ENOX1: variants seen among roughly 807,000 people sequenced by gnomAD.
ENOX1 encodes ecto-NOX disulfide-thiol exchanger 1.
Under a neutral mutation model 82.5 loss-of-function variants are expected in ENOX1, and 42 were observed. That is an observed-to-expected ratio of 0.51 (90% CI 0.40 to 0.66). The LOEUF (loss-of-function observed/expected upper bound fraction) is 0.66, where lower values mean the gene tolerates loss of function less well. ENOX1 is among the 30% of genes least tolerant of loss of function. The pLI is 0.00. For synonymous variants in ENOX1, 271 were observed against 282.2 expected (o/e 0.96, Z 0.40); for missense variants, 608 against 811.6 (o/e 0.75, Z 3.05).
intron 1 of ENOX1, among the ~76,000 whole-genome samples, chr13:43,779,798 C>T (rs1015172557): frequency 1.3e-5 from 2 of 152,194 alleles, no homozygotes; most frequent in African/African-American, 2.4e-5. Flanking sequence ...TGCCAGAACA[C>T]ATTGAATCTG....
At chr13:43,333,770 G>A (rs147379810) in intron 9 of ENOX1, among the ~76,000 whole-genome samples, 315 of 152,244 alleles carry the variant, frequency 2.1e-3, no homozygotes, top group African/African-American at 7.0e-3. Flanking sequence ...TTACAGGTGC[G>A]CACCACCACA....
intron 11 of ENOX1, among the ~76,000 whole-genome samples, chr13:43,309,000 C>G (rs73465464): frequency 9.5e-4 from 144 of 151,330 alleles, no homozygotes; most frequent in African/African-American, 3.3e-3. Context: ...TTCAAGGGCC[C>G]TCTGACCTCA....
intron 2 of ENOX1, among the ~76,000 whole-genome samples, chr13:43,656,992 A>G (rs1293488452): frequency 1.3e-5 from 2 of 152,220 alleles, no homozygotes; most frequent in African/African-American, 4.8e-5. Context: ...CTTCAGATTT[A>G]TATTCCTTTT....
In ENOX1 at chr13:43,589,216, G is replaced by GAAAAAAAAA. The variant is rs58912569; in HGVS notation, c.-219+78254_-219+78262dup. On this transcript the variant is annotated intron_variant, in intron 2 of 16. Transcript: ENST00000690772. ...GAACCCAGAGCTTTGGACATTAATG[G>GAAAAAAAAA]AAAAAAAAAAAAAAAAAAAAAAAGC... 1.5e-4 allele frequency among the ~76,000 whole-genome samples: 12 copies of GAAAAAAAAA among 79,770 alleles called. 1 individual carries two copies. The highest frequency in any genetic ancestry group is 2.0e-4 in the Non-Finnish European group (9 of 44,584). The allele number at this position is 79,770 out of a possible 152,430, so 52.3% of individuals were successfully genotyped here.
At chr13:43,557,522 T>C (rs747658835) in intron 2 of ENOX1, among the ~76,000 whole-genome samples, 30 of 152,170 alleles carry the variant, frequency 2.0e-4, no homozygotes, top group Non-Finnish European at 4.1e-4. Flanking sequence ...CTCTGACTTA[T>C]CTTCCTGGTC....
chr13:43,440,712 C>T (rs1428893104), intron 3 of ENOX1, among the ~76,000 whole-genome samples: 3 of 152,012 alleles, frequency 2.0e-5, no homozygotes, highest in African/African-American at 4.8e-5. Flanking sequence ...AATTATAATA[C>T]AAATCACTGA....
chr13:43,631,479 C>G (rs1026211109), intron 2 of ENOX1, among the ~76,000 whole-genome samples: 1 of 152,110 alleles, frequency 6.6e-6, no homozygotes, highest in Non-Finnish European at 1.5e-5. Flanking sequence ...GCTTCTGCTC[C>G]GAGAAGAACT....
chr13:43,320,051 G>C (rs1056444805), intron 11 of ENOX1, among the ~76,000 whole-genome samples: 4 of 152,206 alleles, frequency 2.6e-5, no homozygotes, highest in Non-Finnish European at 5.9e-5. Context: ...TCTGAGGTTT[G>C]AACAAAAGAC....
At chr13:43,237,991 C>T (rs868518956) in intron 14 of ENOX1, among the ~76,000 whole-genome samples, 12 of 152,238 alleles carry the variant, frequency 7.9e-5, no homozygotes, top group South Asian at 4.1e-4. Context: ...CACTTATTTG[C>T]TGAAGACCAA....
chr13:43,605,536 C>T (rs780656143), intron 2 of ENOX1, among the ~76,000 whole-genome samples: 9 of 152,092 alleles, frequency 5.9e-5, no homozygotes, highest in Non-Finnish European at 1.0e-4. Flanking sequence ...ACAAAGATGT[C>T]AAGAACATAC....
chr13:43,707,068 C>T (rs1473681661), intron 1 of ENOX1, among the ~76,000 whole-genome samples: 1 of 151,764 alleles, frequency 6.6e-6, no homozygotes, highest in East Asian at 1.9e-4. Context: ...TTAGTAAGGC[C>T]CAATGACAGA....
chr13:43,690,124 G>T (rs1006716487), intron 1 of ENOX1, among the ~76,000 whole-genome samples: 1 of 152,012 alleles, frequency 6.6e-6, no homozygotes, highest in Non-Finnish European at 1.5e-5. Flanking sequence ...TAACAGAGTG[G>T]TATCCATCAA....
At chr13:43,329,649 T>C (rs1192319147) in intron 9 of ENOX1, among the ~76,000 whole-genome samples, 1 of 152,164 alleles carries the variant, frequency 6.6e-6, no homozygotes, top group African/African-American at 2.4e-5. Flanking sequence ...GGGTAATTAA[T>C]TAGATGTAAA....
intron 3 of ENOX1, among the ~76,000 whole-genome samples, chr13:43,467,526 T>TAAATTTTA (rs1555288424): frequency 5.9e-4 from 88 of 148,118 alleles, no homozygotes; most frequent in African/African-American, 1.9e-3. Flanking sequence ...TTTAAAATTT[T>TAAATTTTA]AAATTTTAAA....
chr13:43,511,857 T>C (rs1180184410), intron 2 of ENOX1, among the ~76,000 whole-genome samples: 2 of 152,200 alleles, frequency 1.3e-5, no homozygotes, highest in South Asian at 2.1e-4. Flanking sequence ...GCACCACATA[T>C]TTCCTTTCCT....
At chr13:43,460,314 G>A (rs1462692853) in intron 3 of ENOX1, among the ~76,000 whole-genome samples, 2 of 151,998 alleles carry the variant, frequency 1.3e-5, no homozygotes, top group Non-Finnish European at 2.9e-5. Context: ...GGCTGCTAAG[G>A]TTTTAAAGTG....
chr13:43,616,205 T>TA (rs1491279637), intron 2 of ENOX1, among the ~76,000 whole-genome samples: 107 of 5,910 alleles, frequency 0.018, 21 homozygotes, highest in East Asian at 0.089. Context: ...TATATATATA[T>TA]TTTTTTTTTT....
chr13:43,262,068 T>C (rs968324058), intron 14 of ENOX1, among the ~76,000 whole-genome samples: 1 of 151,994 alleles, frequency 6.6e-6, no homozygotes, highest in African/African-American at 2.4e-5. Context: ...ATCAAAAAGG[T>C]ACAAAACTGA....
chr13:43,411,784 C>T, intron 5 of ENOX1, 132 bp downstream of exon 5: 1 of 1,162,124 alleles, frequency 8.6e-7, no homozygotes, highest in Non-Finnish European at 1.2e-6. Context: ...TCAAGTACAA[C>T]TTGCCAAACA....
Sources: gnomAD v4.1 joint callset for allele counts (sites outside exome capture counted in the v4.1 genomes callset) on GRCh38, gnomAD v4.1.1 for gene constraint, MANE v1.5 for transcripts, NCBI Gene and HGNC (gene_info 2026-07-23, HGNC 2026-07-21) for gene names.